The following NTM variants were observed in gnomAD, a reference collection of about 807,000 sequenced individuals.
NTM encodes the protein IgLON family member 2.
NTM carries 13 observed loss-of-function variants against 42.1 expected under a neutral mutation model. The ratio of observed to expected loss-of-function variants is 0.31; its 90% CI spans 0.20 to 0.49. The LOEUF is 0.49. NTM is among the 20% of genes least tolerant of loss of function. The pLI is 0.99. For missense variants in NTM, 373 were observed against 452.8 expected (o/e 0.82, Z 1.60); for synonymous variants, 187 against 179.2 (o/e 1.04, Z -0.35).
At chr11:132,328,856 C>G (rs1592074361) in intron 7 of NTM, among the ~76,000 whole-genome samples, 1 of 152,108 alleles carries the variant, frequency 6.6e-6, no homozygotes, top group African/African-American at 2.4e-5. Flanking sequence ...GCCCAGCAAG[C>G]CCTTCAAGGG....
intron 1 of NTM, among the ~76,000 whole-genome samples, chr11:131,514,686 C>G (rs1263742732): frequency 6.6e-6 from 1 of 152,066 alleles, no homozygotes; most frequent in Non-Finnish European, 1.5e-5. Context: ...TCAAGCAATC[C>G]TCCCACCTCA....
chr11:132,071,270 CATCACA>C (rs1424940925), intron 2 of NTM, among the ~76,000 whole-genome samples: 1 of 120,902 alleles, frequency 8.3e-6, no homozygotes, highest in Non-Finnish European at 1.7e-5. Context: ...TCACACTGAC[CATCACA>C]GGTTAGTTAA....
In NTM at chr11:131,475,165, A is replaced by G. The variant is rs765896270; in HGVS notation, c.82+104277A>G. Among the ~76,000 whole-genome samples, 67 of 152,140 alleles carry G rather than the reference A, an allele frequency of 4.4e-4. 1 individual carries two copies. Among genetic ancestry groups the G allele is most frequent in the Non-Finnish European group, 7.5e-4 (51 of 68,038 alleles). On this transcript the variant is annotated intron_variant, in intron 1 of 8. Transcript: ENST00000683400. Reference sequence around the variant, plus strand: ...CCCAGTTGGCTGGGCCCGGTTGGTTATAGATATGAGGAAGTAACTTTTGCA... The same window carrying G: ...CCCAGTTGGCTGGGCCCGGTTGGTTGTAGATATGAGGAAGTAACTTTTGCA...
At chr11:131,540,250 C>T (rs1170960091) in intron 1 of NTM, among the ~76,000 whole-genome samples, 2 of 150,018 alleles carry the variant, frequency 1.3e-5, no homozygotes, top group Non-Finnish European at 3.0e-5. Flanking sequence ...CTGCAACATC[C>T]GCCTCCTCAG....
At chr11:131,461,941 C>T (rs1951422222) in intron 1 of NTM, among the ~76,000 whole-genome samples, 1 of 152,102 alleles carries the variant, frequency 6.6e-6, no homozygotes, top group African/African-American at 2.4e-5. Context: ...GAAACAAAAA[C>T]ATAGGTTTAT....
In NTM at chr11:132,277,879, G is replaced by A. The variant is rs148150696; in HGVS notation, c.527-29810G>A. ...TGTGCTACTGTTTAATGAGAAATGG[G>A]TAAATTCTGGTTTGAGGACTCTTAC... On this transcript the variant is annotated intron_variant, in intron 4 of 8. Coordinates refer to ENST00000683400, the MANE Select transcript of NTM (RefSeq NM_001352005.2). Among the ~76,000 whole-genome samples the A allele has an allele frequency of 7.8e-3, 1,182 of 152,212 alleles. 18 individuals carry two copies. The highest frequency in any genetic ancestry group is 0.026 in the African/African-American group (1,085 of 41,506).
chr11:132,066,082 A>G (rs1321326661), intron 2 of NTM, among the ~76,000 whole-genome samples: 1 of 152,182 alleles, frequency 6.6e-6, no homozygotes, highest in African/African-American at 2.4e-5. Context: ...AATCACTAGA[A>G]TACCTCTAAC....
intron 1 of NTM, among the ~76,000 whole-genome samples, chr11:131,518,790 G>T (rs2049215022): frequency 6.6e-6 from 1 of 152,140 alleles, no homozygotes; most frequent in South Asian, 2.1e-4. Flanking sequence ...GGCTTCATTT[G>T]TATGGATTGC....
At chr11:131,964,798 A>G (rs2062624677) in intron 2 of NTM, among the ~76,000 whole-genome samples, 1 of 152,182 alleles carries the variant, frequency 6.6e-6, no homozygotes, top group Admixed American at 6.5e-5. Flanking sequence ...TTAATGCAGT[A>G]TCACCAGCTT....
At chr11:131,963,268 G>T (rs2062430325) in intron 2 of NTM, among the ~76,000 whole-genome samples, 1 of 152,212 alleles carries the variant, frequency 6.6e-6, no homozygotes, top group Non-Finnish European at 1.5e-5. Flanking sequence ...CAGCGCAAAT[G>T]GAGGCTAGAC....
intron 1 of NTM, among the ~76,000 whole-genome samples, chr11:131,419,868 G>A (rs1947324520): frequency 6.6e-6 from 1 of 152,086 alleles, no homozygotes; most frequent in Non-Finnish European, 1.5e-5. Context: ...GAGTGAATGT[G>A]GGGCAGAGCT....
At chr11:132,149,340 C>A (rs1302246090) in intron 3 of NTM, among the ~76,000 whole-genome samples, 1 of 151,720 alleles carries the variant, frequency 6.6e-6, no homozygotes, top group African/African-American at 2.4e-5. Context: ...TTTGAAGTTG[C>A]TATTCAGCCC....
chr11:131,908,678 G>A (rs1371717458), intron 1 of NTM, among the ~76,000 whole-genome samples: 3 of 152,212 alleles, frequency 2.0e-5, no homozygotes, highest in African/African-American at 7.2e-5. Context: ...TTGTGGAGAC[G>A]AAGCCCAAAT....
intron 2 of NTM, among the ~76,000 whole-genome samples, chr11:132,131,832 C>T (rs2066879553): frequency 1.3e-5 from 2 of 152,080 alleles, no homozygotes; most frequent in African/African-American, 4.8e-5. Flanking sequence ...GTGGAAGAGG[C>T]CCCCCGCTCC....
At chr11:131,567,385 G>A (rs993304834) in intron 1 of NTM, among the ~76,000 whole-genome samples, 2 of 152,118 alleles carry the variant, frequency 1.3e-5, no homozygotes, top group African/African-American at 4.8e-5. Flanking sequence ...TACTTGGGAG[G>A]CTGAGGCAGG....
chr11:131,479,824 AC>A, intron 1 of NTM, among the ~76,000 whole-genome samples: 1 of 152,316 alleles, frequency 6.6e-6, no homozygotes, highest in East Asian at 1.9e-4. Flanking sequence ...CAAGTCAGGC[AC>A]TCAGCTGCAT....
intron 1 of NTM, among the ~76,000 whole-genome samples, chr11:131,708,146 A>G (rs1788497771): frequency 6.6e-6 from 1 of 152,158 alleles, no homozygotes; most frequent in Admixed American, 6.6e-5. Context: ...ATGAATTAAG[A>G]AAACAATCAA....
At chr11:131,894,703 C>A (rs937022892) in intron 1 of NTM, among the ~76,000 whole-genome samples, 2 of 152,190 alleles carry the variant, frequency 1.3e-5, no homozygotes, top group African/African-American at 4.8e-5. Context: ...AGCAGCAGCC[C>A]GGGCTCCTCC....
chr11:131,499,612 T>C (rs186607340), intron 1 of NTM, among the ~76,000 whole-genome samples: 65 of 152,314 alleles, frequency 4.3e-4, no homozygotes, highest in African/African-American at 1.5e-3. Flanking sequence ...TCCCTTCTTC[T>C]TGAGGAAAAA....
Sources: allele counts gnomAD v4.1 joint callset (sites outside exome capture counted in the v4.1 genomes callset), GRCh38; gene constraint gnomAD v4.1.1; transcripts MANE v1.5; gene names NCBI Gene and HGNC (gene_info 2026-07-23, HGNC 2026-07-21).